The following SCAPER variants were observed in gnomAD, a reference collection of about 807,000 sequenced individuals.
SCAPER encodes S-phase cyclin A associated protein in the ER.
In SCAPER, 98 loss-of-function variants were observed where a neutral mutation model predicts 182.2. The ratio of observed to expected loss-of-function variants is 0.54; its 90% CI spans 0.46 to 0.64. SCAPER has a LOEUF of 0.64. Among genes scored for constraint, SCAPER ranks in the 30% least tolerant of loss-of-function variants. The pLI is 0.00. For synonymous variants in SCAPER, 605 were observed against 564.6 expected (o/e 1.07, Z -1.01); for missense variants, 1,432 against 1,690.0 (o/e 0.85, Z 2.68).
intron 23 of SCAPER, among the ~76,000 whole-genome samples, chr15:76,539,825 G>A (rs1034658992): frequency 1.3e-5 from 2 of 152,222 alleles, no homozygotes; most frequent in African/African-American, 2.4e-5. Context: ...GATTACAGGC[G>A]TGAGCCACTG....
intron 26 of SCAPER, among the ~76,000 whole-genome samples, chr15:76,419,246 T>C (rs1442097475): frequency 6.6e-6 from 1 of 151,444 alleles, no homozygotes; most frequent in Non-Finnish European, 1.5e-5. Flanking sequence ...GGAGAATCGC[T>C]TGAACCCAGG....
intron 25 of SCAPER, among the ~76,000 whole-genome samples, chr15:76,447,967 C>T (rs1391501039): frequency 6.6e-6 from 1 of 152,064 alleles, no homozygotes; most frequent in Non-Finnish European, 1.5e-5. Context: ...AAAACTTAGC[C>T]TGCTGGGATG....
intron 5 of SCAPER, among the ~76,000 whole-genome samples, chr15:76,833,285 T>C (rs2068662554): frequency 6.6e-6 from 1 of 152,132 alleles, no homozygotes; most frequent in Non-Finnish European, 1.5e-5. Context: ...CTAAGCTTCA[T>C]AAGCAAAGGA....
At chr15:76,776,263 G>A (rs2063738240) in intron 8 of SCAPER, among the ~76,000 whole-genome samples, 1 of 151,914 alleles carries the variant, frequency 6.6e-6, no homozygotes, top group African/African-American at 2.4e-5. Context: ...CAGAAAAAAG[G>A]GTGGCCTAAC....
intron 14 of SCAPER, among the ~76,000 whole-genome samples, chr15:76,757,421 C>A (rs1279155208): frequency 1.3e-5 from 2 of 151,410 alleles, no homozygotes; most frequent in Non-Finnish European, 2.9e-5. Context: ...AAATTTCATT[C>A]TTCTTAAGGC....
intron 8 of SCAPER, among the ~76,000 whole-genome samples, chr15:76,778,943 G>A (rs1449296972): frequency 2.0e-5 from 3 of 151,834 alleles, no homozygotes; most frequent in African/African-American, 7.3e-5. Context: ...AATCAGGAGA[G>A]GGTAAGTAAT....
chr15:76,432,788 T>C (rs900790651), intron 26 of SCAPER, among the ~76,000 whole-genome samples: 2 of 152,236 alleles, frequency 1.3e-5, no homozygotes, highest in Admixed American at 1.3e-4. Context: ...CATACAGGTG[T>C]TGGGAGTCCA....
chr15:76,668,894 T>A (rs2056814529), intron 20 of SCAPER, among the ~76,000 whole-genome samples: 1 of 152,224 alleles, frequency 6.6e-6, no homozygotes, highest in South Asian at 2.1e-4. Context: ...TACATTGAGC[T>A]AAGTACTTTA....
At chr15:76,702,788 T>C in intron 19 of SCAPER, 62 bp downstream of exon 19, 1 of 1,541,848 alleles carries the variant, frequency 6.5e-7, no homozygotes. Context: ...AGAATATATT[T>C]CCATGGTTTC....
intron 5 of SCAPER, among the ~76,000 whole-genome samples, chr15:76,839,820 G>C (rs1230659029): frequency 1.3e-5 from 2 of 152,172 alleles, no homozygotes; most frequent in Non-Finnish European, 2.9e-5. Flanking sequence ...TCAGAGACAG[G>C]TGCAAGTTTC....
chr15:76,700,865 A>T (rs1040627747), intron 20 of SCAPER, among the ~76,000 whole-genome samples: 1 of 152,224 alleles, frequency 6.6e-6, no homozygotes, highest in African/African-American at 2.4e-5. Flanking sequence ...TACATACTGT[A>T]TGATAACATT....
Position 76,809,256 on chromosome 15 carries a change from TA to T in SCAPER, c.394-4624del, listed in dbSNP as rs1229442434. On this transcript the variant is annotated intron_variant, in intron 5 of 31. Transcript: ENST00000563290. The stretch of plus-strand genomic sequence containing the variant: ...AAGAAACAGGTATACAAGTTCCAAA[TA>T]AAAGAGCAAGATAAACCTCCAGAAA... Among the ~76,000 whole-genome samples, 3 of 151,924 alleles carry T rather than the reference TA, an allele frequency of 2.0e-5. 1 individual carries two copies. The South Asian group carries it at 6.2e-4, about 32-fold the overall frequency.
intron 23 of SCAPER, 81 bp from the exon 24 acceptor site, chr15:76,505,055 T>TCAGTATGTTTCAG: frequency 1.1e-6 from 1 of 906,506 alleles, no homozygotes; most frequent in Non-Finnish European, 1.7e-6. Flanking sequence ...GTCTGAAACA[T>TCAGTATGTTTCAG]ACTGATGGTT....
chr15:76,581,629 C>T lies in SCAPER; in HGVS notation c.2712-7345G>A, dbSNP rs566144448. Among the ~76,000 whole-genome samples, 3 of 152,314 alleles carry T rather than the reference C, an allele frequency of 2.0e-5. No individual in the cohort carries two copies. In the East Asian group the frequency reaches 5.8e-4, roughly 29 times the overall value. On this transcript the variant is annotated intron_variant, in intron 22 of 31. Coordinates refer to ENST00000563290, the MANE Select transcript of SCAPER (RefSeq NM_020843.4). ...GGAGACAGAGTCTCGCTCTGTTGCC[C>T]AGGCTGGAGTGCAGTGGTGTGATCT...
intron 24 of SCAPER, among the ~76,000 whole-genome samples, chr15:76,480,801 G>C (rs1044473843): frequency 1.3e-5 from 2 of 152,042 alleles, no homozygotes; most frequent in African/African-American, 2.4e-5. Flanking sequence ...TGCGATCTCG[G>C]CTCACTGCAA....
intron 20 of SCAPER, among the ~76,000 whole-genome samples, chr15:76,692,790 TA>T (rs1260755479): frequency 9.5e-6 from 1 of 105,798 alleles, no homozygotes; most frequent in Non-Finnish European, 2.1e-5. Flanking sequence ...AAGAAAGAGG[TA>T]AAAAGGAAAA....
chr15:76,525,786 T>G (rs2043154125), intron 23 of SCAPER, among the ~76,000 whole-genome samples: 1 of 152,242 alleles, frequency 6.6e-6, no homozygotes, highest in Non-Finnish European at 1.5e-5. Flanking sequence ...TGATTCCATG[T>G]CTTTACTATT....
chr15:76,899,579 G>A (rs551938047), intron 1 of SCAPER, among the ~76,000 whole-genome samples: 58 of 152,252 alleles, frequency 3.8e-4, no homozygotes, highest in East Asian at 1.5e-3. Flanking sequence ...CTGCCCGCCC[G>A]CCACCCCGTC....
In SCAPER at chr15:76,599,640, T is replaced by C. The variant is rs2049767964; in HGVS notation, c.2711+22124A>G. Among the ~76,000 whole-genome samples the C allele has an allele frequency of 1.6e-5, 2 of 122,022 alleles. 1 individual carries two copies. The highest frequency in any genetic ancestry group is 5.0e-5 in the African/African-American group (2 of 39,950). 80.1% of individuals were successfully genotyped at this position (122,022 alleles called of 152,430 possible). A position where few individuals can be genotyped will look rare whatever the true frequency, so the allele number is the denominator to read the frequency against. On this transcript the variant is annotated intron_variant, in intron 22 of 31. Coordinates refer to ENST00000563290, the MANE Select transcript of SCAPER (RefSeq NM_020843.4). ...ATACAAAAGAGTACATACTATTTGA[T>C]TTCATTTATAGCAAGCTCTACAACA...
Sources: allele counts gnomAD v4.1 joint callset (sites outside exome capture counted in the v4.1 genomes callset), GRCh38; gene constraint gnomAD v4.1.1; transcripts MANE v1.5; gene names NCBI Gene and HGNC (gene_info 2026-07-23, HGNC 2026-07-21).